PPARGC1A: variants seen among roughly 807,000 people sequenced by gnomAD.
PPARGC1A encodes the protein PPARG coactivator 1 alpha.
PPARGC1A carries 25 observed loss-of-function variants against 88.7 expected under a neutral mutation model. That is an observed-to-expected ratio of 0.28 (90% confidence interval 0.21 to 0.39). The LOEUF (loss-of-function observed/expected upper bound fraction) is 0.39. Ranked by LOEUF, PPARGC1A falls within the 10% of genes least tolerant of loss-of-function variation. The probability of loss-of-function intolerance (pLI) is 1.00; values close to 1 mark genes in which losing one functional copy is unlikely to be tolerated. For missense variants in PPARGC1A, 880 were observed against 968.7 expected (o/e 0.91, Z 1.22); for synonymous variants, 363 against 355.6 (o/e 1.02, Z -0.24).
At chr4:23,813,465 T>C (rs1721326750) in intron 8 of PPARGC1A, among the ~76,000 whole-genome samples, 1 of 152,188 alleles carries the variant, frequency 6.6e-6, no homozygotes, top group Middle Eastern at 3.4e-3. Context: ...CAAATTGCTC[T>C]CTCTGATAGG....
At chr4:24,410,655 A>G in the PPARGC1A span, among the ~76,000 whole-genome samples, 71 of 152,256 alleles carry the variant, frequency 4.7e-4, 1 homozygote, top group Middle Eastern at 3.4e-3. Context: ...GGTGGGCACA[A>G]TCTAATCAGC....
At chr4:24,099,978 G>C in the PPARGC1A span, among the ~76,000 whole-genome samples, 1 of 133,416 alleles carries the variant, frequency 7.5e-6, no homozygotes, top group East Asian at 2.5e-4. Flanking sequence ...GTTGTGGGGT[G>C]GGGGGAGGGG....
At chr4:24,155,946 TG>T in the PPARGC1A span, among the ~76,000 whole-genome samples, 6 of 152,304 alleles carry the variant, frequency 3.9e-5, no homozygotes, top group South Asian at 1.2e-3. Flanking sequence ...AAAATGAGAA[TG>T]TATAGACCCC....
chr4:24,301,420 G>T, the PPARGC1A span, among the ~76,000 whole-genome samples: 35 of 152,128 alleles, frequency 2.3e-4, no homozygotes, highest in South Asian at 5.4e-3. Context: ...GCCCTATGGG[G>T]TAGGTAAAAT....
the PPARGC1A span, among the ~76,000 whole-genome samples, chr4:24,184,657 G>C: frequency 6.6e-6 from 1 of 152,190 alleles, no homozygotes; most frequent in Non-Finnish European, 1.5e-5. Flanking sequence ...GCTGCTCTTG[G>C]TGCTGGTGGC....
chr4:23,910,705 TG>T, the PPARGC1A span, among the ~76,000 whole-genome samples: 11 of 151,772 alleles, frequency 7.2e-5, no homozygotes, highest in Non-Finnish European at 1.5e-4. Flanking sequence ...CCCAAAGTGC[TG>T]GGATTACAGG....
chr4:24,434,097 C>G, the PPARGC1A span, among the ~76,000 whole-genome samples: 1 of 152,136 alleles, frequency 6.6e-6, no homozygotes, highest in Non-Finnish European at 1.5e-5. Context: ...TAGAACTGCT[C>G]TCTCTACCCA....
At chr4:24,233,311 A>C in the PPARGC1A span, among the ~76,000 whole-genome samples, 1 of 152,206 alleles carries the variant, frequency 6.6e-6, no homozygotes, top group Non-Finnish European at 1.5e-5. Context: ...TGTATCATAC[A>C]TAAGCCATTC....
chr4:24,126,705 G>A, the PPARGC1A span, among the ~76,000 whole-genome samples: 1 of 152,096 alleles, frequency 6.6e-6, no homozygotes, highest in Non-Finnish European at 1.5e-5. Context: ...GTGCACCCAG[G>A]GGTCTGACAC....
At chr4:24,348,931 C>G in the PPARGC1A span, among the ~76,000 whole-genome samples, 1 of 152,162 alleles carries the variant, frequency 6.6e-6, no homozygotes, top group Non-Finnish European at 1.5e-5. Flanking sequence ...TGGGTAGGCT[C>G]TGTCAGAGGG....
chr4:24,006,671 T>G, the PPARGC1A span, among the ~76,000 whole-genome samples: 5 of 152,146 alleles, frequency 3.3e-5, no homozygotes, highest in Admixed American at 6.5e-5. Flanking sequence ...CACAATGTCT[T>G]TCTCCTGCCA....
chr4:23,910,208 CATAT>C, the PPARGC1A span, among the ~76,000 whole-genome samples: 1 of 69,152 alleles, frequency 1.4e-5, no homozygotes, highest in Non-Finnish European at 3.4e-5. Flanking sequence ...AAAATTTATA[CATAT>C]ATAATATATA....
the PPARGC1A span, among the ~76,000 whole-genome samples, chr4:24,148,185 A>G: frequency 3.9e-5 from 6 of 152,146 alleles, no homozygotes; most frequent in Non-Finnish European, 5.9e-5. Flanking sequence ...TAACTAGACC[A>G]TGTGGCTTTC....
chr4:24,407,363 A>G, the PPARGC1A span, among the ~76,000 whole-genome samples: 1 of 152,244 alleles, frequency 6.6e-6, no homozygotes, highest in African/African-American at 2.4e-5. Flanking sequence ...CGAGGGCGTC[A>G]TCCCTGCCTC....
chr4:24,256,489 C>T, the PPARGC1A span, among the ~76,000 whole-genome samples: 3 of 152,178 alleles, frequency 2.0e-5, no homozygotes, highest in Admixed American at 1.3e-4. Context: ...AATCACCCTT[C>T]GTATCTCAAT....
the PPARGC1A span, among the ~76,000 whole-genome samples, chr4:24,264,295 A>G: frequency 3.3e-5 from 5 of 152,172 alleles, no homozygotes; most frequent in Non-Finnish European, 7.3e-5. Flanking sequence ...CACACATCAC[A>G]CACTCAATTT....
chr4:24,196,908 G>T, the PPARGC1A span, among the ~76,000 whole-genome samples: 2 of 152,140 alleles, frequency 1.3e-5, no homozygotes, highest in African/African-American at 4.8e-5. Context: ...ATCATTAATT[G>T]CTATAAATAG....
the PPARGC1A span, among the ~76,000 whole-genome samples, chr4:24,164,625 G>A: frequency 6.6e-6 from 1 of 152,110 alleles, no homozygotes; most frequent in African/African-American, 2.4e-5. Flanking sequence ...ACAGAAAGGG[G>A]TTGATTTGAT....
At chr4:23,811,889 C>CCTTTT (rs1720963463) in intron 10 of PPARGC1A, among the ~76,000 whole-genome samples, 3 of 59,040 alleles carry the variant, frequency 5.1e-5, no homozygotes, top group African/African-American at 2.0e-4. Context: ...GAAGAAATGA[C>CCTTTT]TTTTTTTTTT....
Sources: allele counts gnomAD v4.1 joint callset (sites outside exome capture counted in the v4.1 genomes callset), GRCh38; gene constraint gnomAD v4.1.1; transcripts MANE v1.5; gene names NCBI Gene and HGNC (gene_info 2026-07-23, HGNC 2026-07-21).